Variants in PTPRD observed in about 807,000 individuals in gnomAD.
The protein encoded by PTPRD is receptor-type tyrosine-protein phosphatase delta.
A neutral mutation model predicts 214.5 loss-of-function variants in PTPRD; 34 were observed. That is an observed-to-expected ratio of 0.16 (90% CI 0.12 to 0.21). The LOEUF is 0.21. Among genes scored for constraint, PTPRD ranks in the 10% least tolerant of loss-of-function variants. The pLI is 1.00. For missense variants in PTPRD, 2,545 were observed against 2,398.7 expected (o/e 1.06, Z -1.27); for synonymous variants, 1,128 against 845.7 (o/e 1.33, Z -5.79).
chr9:9,743,971 C>G (rs2098434231), intron 6 of PTPRD, among the ~76,000 whole-genome samples: 1 of 152,088 alleles, frequency 6.6e-6, no homozygotes, highest in Non-Finnish European at 1.5e-5. Context: ...TATATCCTAA[C>G]TTGTATATGT....
intron 3 of PTPRD, among the ~76,000 whole-genome samples, chr9:10,257,135 T>A (rs1228557402): frequency 6.6e-6 from 1 of 152,172 alleles, no homozygotes; most frequent in Admixed American, 6.5e-5. Context: ...TCAGTAAATG[T>A]TAATAAGATA....
At chr9:10,552,569 G>T (rs150650529) in intron 2 of PTPRD, among the ~76,000 whole-genome samples, 1 of 151,870 alleles carries the variant, frequency 6.6e-6, no homozygotes, top group African/African-American at 2.4e-5. Context: ...ATCCCATAAT[G>T]CATCACATTT....
intron 3 of PTPRD, among the ~76,000 whole-genome samples, chr9:10,081,956 C>G (rs762887870): frequency 6.6e-6 from 1 of 151,914 alleles, no homozygotes; most frequent in Admixed American, 6.6e-5. Context: ...AAAAAATTTA[C>G]ACTTAGGCCA....
rs368987180 is a variant in PTPRD at position 10,469,350 on chromosome 9, AC to A, written c.-599-128334del. Among the ~76,000 whole-genome samples the A allele has an allele frequency of 5.8e-3, 879 of 152,320 alleles. 15 individuals are homozygous for A. Among genetic ancestry groups the A allele is most frequent in the African/African-American group, 0.02 (821 of 41,584 alleles). On this transcript the variant is annotated intron_variant, in intron 2 of 45. Transcript: ENST00000381196. ...TATCAGGTGTATGGCAAAAAATTGA[AC>A]AAAATAATTGAAAAACATTATAAAA...
intron 12 of PTPRD, among the ~76,000 whole-genome samples, chr9:8,698,900 A>G (rs2097999803): frequency 1.3e-5 from 2 of 152,052 alleles, no homozygotes; most frequent in African/African-American, 4.8e-5. Flanking sequence ...GCTGATAAAC[A>G]TCATCTCAAA....
intron 10 of PTPRD, among the ~76,000 whole-genome samples, chr9:9,138,441 G>A (rs2099854493): frequency 6.6e-6 from 1 of 152,018 alleles, no homozygotes; most frequent in Admixed American, 6.5e-5. Context: ...TTGAATCAGA[G>A]GAAGTTCTTA....
intron 8 of PTPRD, among the ~76,000 whole-genome samples, chr9:9,428,295 A>G (rs1261271805): frequency 6.6e-6 from 1 of 152,170 alleles, no homozygotes; most frequent in Non-Finnish European, 1.5e-5. Context: ...TAAACCAACA[A>G]AGATCAGAAG....
chr9:9,992,337 C>A (rs1047699753), intron 4 of PTPRD, among the ~76,000 whole-genome samples: 1 of 152,280 alleles, frequency 6.6e-6, no homozygotes, highest in South Asian at 2.1e-4. Context: ...ATAACGTATT[C>A]TAGCTTATCA....
chr9:8,740,351 A>G (rs1218318497), intron 11 of PTPRD, among the ~76,000 whole-genome samples: 1 of 152,178 alleles, frequency 6.6e-6, no homozygotes, highest in Non-Finnish European at 1.5e-5. Flanking sequence ...GCCACATTCT[A>G]TAGACATAAA....
chr9:8,650,863 T>C (rs1425184978), intron 12 of PTPRD, among the ~76,000 whole-genome samples: 2 of 152,126 alleles, frequency 1.3e-5, no homozygotes, highest in East Asian at 1.9e-4. Flanking sequence ...TATTTTTCAC[T>C]AAATTTAGCA....
At chr9:8,750,171 T>G (rs1307319412) in intron 11 of PTPRD, among the ~76,000 whole-genome samples, 2 of 152,012 alleles carry the variant, frequency 1.3e-5, no homozygotes, top group African/African-American at 4.8e-5. Context: ...TACAAGTAAT[T>G]TTTTGAGACA....
intron 3 of PTPRD, among the ~76,000 whole-genome samples, chr9:10,303,381 G>C (rs2095932231): frequency 6.6e-6 from 1 of 151,996 alleles, no homozygotes; most frequent in Non-Finnish European, 1.5e-5. Context: ...AAATTCAAAA[G>C]CTAGCAGAAG....
intron 37 of PTPRD, among the ~76,000 whole-genome samples, chr9:8,384,297 A>G (rs1382162219): frequency 6.6e-6 from 1 of 152,136 alleles, no homozygotes; most frequent in Admixed American, 6.6e-5. Flanking sequence ...GCATGTTATG[A>G]AACATGGAAA....
intron 7 of PTPRD, among the ~76,000 whole-genome samples, chr9:9,579,205 G>A (rs1388660201): frequency 1.3e-5 from 2 of 152,046 alleles, no homozygotes; most frequent in Non-Finnish European, 2.9e-5. Flanking sequence ...TATCATCTTA[G>A]TGGGCTGGTC....
chr9:8,917,480 G>A (rs938442871), intron 11 of PTPRD, among the ~76,000 whole-genome samples: 5 of 151,932 alleles, frequency 3.3e-5, no homozygotes, highest in Admixed American at 2.6e-4. Context: ...TCTGGGGCAA[G>A]GAAGCACAGG....
chr9:9,989,392 C>T (rs59533350), intron 4 of PTPRD, among the ~76,000 whole-genome samples: 5,604 of 152,150 alleles, frequency 0.037, 349 homozygotes, highest in African/African-American at 0.13. Flanking sequence ...AGGAGCAGAG[C>T]GGCAGAGAAG....
At chr9:8,768,829 C>T (rs986466559) in intron 11 of PTPRD, among the ~76,000 whole-genome samples, 9 of 152,254 alleles carry the variant, frequency 5.9e-5, no homozygotes, top group Middle Eastern at 3.4e-3. Flanking sequence ...TAACCTAGCT[C>T]TTCTTTTAAG....
chr9:9,062,229 C>G (rs1043857473), intron 10 of PTPRD, among the ~76,000 whole-genome samples: 9 of 152,088 alleles, frequency 5.9e-5, no homozygotes, highest in Non-Finnish European at 1.0e-4. Flanking sequence ...AATTACATGT[C>G]AAAGCACAGT....
chr9:9,572,581 G>A (rs920013354), intron 8 of PTPRD, among the ~76,000 whole-genome samples: 32 of 139,046 alleles, frequency 2.3e-4, no homozygotes, highest in South Asian at 2.3e-3. Context: ...ATATATATAT[G>A]TGTATATATA....
Sources: allele counts gnomAD v4.1 joint callset (sites outside exome capture counted in the v4.1 genomes callset), GRCh38; gene constraint gnomAD v4.1.1; transcripts MANE v1.5; gene names NCBI Gene and HGNC (gene_info 2026-07-23, HGNC 2026-07-21).